The following CEP85L variants were observed in gnomAD, a reference collection of about 807,000 sequenced individuals.
The protein encoded by CEP85L is centrosomal protein of 85 kDa-like.
Under a neutral mutation model 100.3 loss-of-function variants are expected in CEP85L, and 60 were observed. The ratio of observed to expected loss-of-function variants is 0.60; its 90% confidence interval spans 0.49 to 0.74. CEP85L has a LOEUF of 0.74. Among genes scored for constraint, CEP85L ranks in the 30% least tolerant of loss-of-function variants. The pLI, the probability that CEP85L is intolerant of heterozygous loss-of-function variation, is 0.00. For synonymous variants in CEP85L, 319 were observed against 322.7 expected, an observed-to-expected ratio of 0.99 and a Z score of 0.12; for missense variants, 973 against 936.2, an observed-to-expected ratio of 1.04 and a Z score of -0.51.
rs1176868663 is a variant in CEP85L at position 118,610,141 on chromosome 6, T to TA, written c.232+22311dup. Among the ~76,000 whole-genome samples the TA allele has an allele frequency of 6.6e-5, 10 of 152,264 alleles. No individual in the cohort carries two copies. The South Asian group carries it at 1.7e-3, about 25-fold the overall frequency. ...GTTACCTCCAATTTAGAGATTTTTT[T>TA]AAAAAATGAGGCTCAAAGAAGTCAG... On this transcript the variant is annotated intron_variant, in intron 2 of 12. Coordinates refer to ENST00000368491, the MANE Select transcript of CEP85L (RefSeq NM_001042475.3).
chr6:118,600,370 T>TGTGTGTGTGG lies in CEP85L; in HGVS notation c.232+32082_232+32083insCCACACACAC, dbSNP rs58066356. Among the ~76,000 whole-genome samples, 652 of 86,378 alleles carry TGTGTGTGTGG rather than the reference T, an allele frequency of 7.5e-3. 139 individuals carry two copies. Among genetic ancestry groups the TGTGTGTGTGG allele is most frequent in the African/African-American group, 0.011 (267 of 23,946 alleles). 56.7% of individuals were successfully genotyped at this position (86,378 alleles called of 152,430 possible). ...GTGTGTGTGTGTGTGTGTGTGTGTG[T>TGTGTGTGTGG]AACGCCATGGAGCAATCTCAGCTCA... On this transcript the variant is annotated intron_variant, in intron 2 of 12. Coordinates refer to ENST00000368491, the MANE Select transcript of CEP85L (RefSeq NM_001042475.3).
In CEP85L at chr6:118,566,278, T is replaced by C. The variant is rs756375455; in HGVS notation, c.271A>G (p.Ser91Gly). The change falls in exon 3 of 13, where the codon AGT (serine) becomes GGT (glycine). Residue 91 changes from serine to glycine, a missense_variant. Physicochemically the swap from Ser to Gly is moderately conservative, Grantham distance 56 (BLOSUM62 0). This residue lies in a region of CEP85L where 890 missense variants were observed against 844.5 expected (regional missense o/e 1.05). Coordinates refer to ENST00000368491, the MANE Select transcript of CEP85L (RefSeq NM_001042475.3). ...GTAGGAAGAGTAATCAATGATTGAC[T>C]AGGCTTAAAAGATAATGTGCCACTT... The part of the protein sequence containing the change: ...TSSGTLSFKP[S>G]QSLITLPTAH... The C allele has an allele frequency of 4.3e-6, 7 of 1,613,872 alleles. 1 individual carries two copies. Among genetic ancestry groups the C allele is most frequent in the Middle Eastern group, 1.6e-4 (1 of 6,082 alleles).
chr6:118,702,719 A>G (rs1018146948), intron 1 of CEP85L, among the ~76,000 whole-genome samples: 2 of 151,876 alleles, frequency 1.3e-5, no homozygotes, highest in African/African-American at 4.8e-5. Context: ...GGAGTTGGCC[A>G]GGCACGGCGG....
intron 2 of CEP85L, among the ~76,000 whole-genome samples, chr6:118,575,658 T>C (rs1214757786): frequency 6.6e-6 from 1 of 152,168 alleles, no homozygotes; most frequent in Non-Finnish European, 1.5e-5. Flanking sequence ...GGAAATGTTG[T>C]CTAAACCTCT....
At chr6:118,542,919 A>AAAAAAC (rs1562245143) in intron 3 of CEP85L, among the ~76,000 whole-genome samples, 1 of 150,758 alleles carries the variant, frequency 6.6e-6, no homozygotes, top group African/African-American at 2.4e-5. Flanking sequence ...AAAAAAAAAA[A>AAAAAAC]AAAACAGGAT....
intron 2 of CEP85L, among the ~76,000 whole-genome samples, chr6:118,623,461 T>C (rs140413908): frequency 1.3e-3 from 192 of 152,298 alleles, no homozygotes; most frequent in African/African-American, 4.4e-3. Context: ...AGAGCAACAA[T>C]GGTCCAGCTT....
intron 3 of CEP85L, among the ~76,000 whole-genome samples, chr6:118,543,662 G>A (rs960952556): frequency 6.6e-6 from 1 of 151,094 alleles, no homozygotes; most frequent in Non-Finnish European, 1.5e-5. Flanking sequence ...AAGACAGTAA[G>A]GAAAATAATT....
intron 2 of CEP85L, among the ~76,000 whole-genome samples, chr6:118,577,744 C>A (rs879329907): frequency 5.3e-5 from 8 of 152,084 alleles, no homozygotes; most frequent in Non-Finnish European, 7.4e-5. Flanking sequence ...AGCCTTAACA[C>A]CCTAGCAAAT....
rs1396029682 is a variant in CEP85L, at chr6:118,491,765, T to C, written c.1358A>G (p.Lys453Arg). Reference protein sequence around the residue: ...EFEQKLASTEKEVLQLNEFLK... With the variant: ...EFEQKLASTEREVLQLNEFLK... Reference sequence around the variant, plus strand: ...AAACTCATTAAGCTGTAAAACTTCTTTCTCAGTAGATGCAAGCTTTTGCTC... The same window carrying C: ...AAACTCATTAAGCTGTAAAACTTCTCTCTCAGTAGATGCAAGCTTTTGCTC... The change falls in exon 6 of 13, where the codon AAA becomes AGA. Residue 453 changes from lysine to arginine, a missense_variant. Physicochemically the swap from Lys to Arg is conservative, Grantham distance 26. Around this residue, in one of 3 missense-constraint regions of CEP85L, gnomAD observed 890 missense variants for 844.5 expected, o/e 1.05. Transcript: ENST00000368491. The C allele has an allele frequency of 6.2e-7, 1 of 1,613,314 alleles. No individual in the cohort carries two copies. Among genetic ancestry groups the C allele is most frequent in the African/African-American group, 1.3e-5 (1 of 75,032 alleles).
intron 2 of CEP85L, among the ~76,000 whole-genome samples, chr6:118,632,039 G>A (rs1430471664): frequency 6.6e-6 from 1 of 152,124 alleles, no homozygotes; most frequent in African/African-American, 2.4e-5. Flanking sequence ...CCCCAGGCTG[G>A]AGTGCAGTGG....
chr6:118,588,148 A>C (rs908161233), intron 2 of CEP85L, among the ~76,000 whole-genome samples: 1 of 152,188 alleles, frequency 6.6e-6, no homozygotes, highest in Non-Finnish European at 1.5e-5. Flanking sequence ...CATCGGACAA[A>C]GGGATCTATC....
intron 3 of CEP85L, among the ~76,000 whole-genome samples, chr6:118,543,656 CAGTA>C (rs61159775): frequency 0.1 from 15,365 of 152,108 alleles, 916 homozygotes; most frequent in African/African-American, 0.15. Flanking sequence ...AAGAACAAGA[CAGTA>C]AGGAAAATAA....
intron 1 of CEP85L, among the ~76,000 whole-genome samples, chr6:118,687,956 C>G (rs1044608847): frequency 1.3e-5 from 2 of 152,154 alleles, no homozygotes; most frequent in African/African-American, 4.8e-5. Context: ...CAGTTCTCTT[C>G]CATGACCTGC....
chr6:118,629,284 C>T (rs1773993816), intron 2 of CEP85L, among the ~76,000 whole-genome samples: 1 of 152,090 alleles, frequency 6.6e-6, no homozygotes, highest in Admixed American at 6.6e-5. Flanking sequence ...AAGACATGTT[C>T]GATAAAGGCC....
chr6:118,664,378 G>A (rs1434911837), intron 1 of CEP85L: 2 of 152,366 alleles, frequency 1.3e-5, no homozygotes, highest in Non-Finnish European at 2.9e-5. Flanking sequence ...GAGAAAATGA[G>A]GGGTTCTAAG....
At chr6:118,569,312 A>G (rs1356715833) in intron 2 of CEP85L, among the ~76,000 whole-genome samples, 1 of 129,046 alleles carries the variant, frequency 7.7e-6, no homozygotes, top group African/African-American at 2.9e-5. Flanking sequence ...ACTGTACTCC[A>G]GCCTGGGTGA....
intron 5 of CEP85L, among the ~76,000 whole-genome samples, chr6:118,495,295 C>T (rs188214345): frequency 1.2e-4 from 18 of 152,184 alleles, no homozygotes; most frequent in African/African-American, 4.1e-4. Context: ...GGTGGAATGA[C>T]ACGGTTTGGT....
intron 10 of CEP85L, among the ~76,000 whole-genome samples, chr6:118,476,234 G>A (rs781394335): frequency 2.0e-5 from 3 of 150,052 alleles, no homozygotes; most frequent in Non-Finnish European, 3.0e-5. Context: ...AGATCTACGT[G>A]AACAGTAAAG....
In CEP85L at chr6:118,494,588, A is replaced by C. The variant is rs532098773; in HGVS notation, c.1258-2723T>G. On this transcript the variant is annotated intron_variant, in intron 5 of 12. Transcript: ENST00000368491. ...CCCTCCTGCCATCCTGTCCCGCCTA[A>C]GGGTGGGGAAAGAAAAAATCTTAGA... 1.3e-3 allele frequency among the ~76,000 whole-genome samples: 200 copies of C among 152,242 alleles called. 4 individuals are homozygous for C. The highest frequency in any genetic ancestry group is 4.0e-4 in the Non-Finnish European group (27 of 68,000).
Sources: gnomAD v4.1 joint callset for allele counts (sites outside exome capture counted in the v4.1 genomes callset) on GRCh38, gnomAD v4.1.1 for gene constraint, gnomAD v4.1.1 regional missense constraint, MANE v1.5 for transcripts, NCBI Gene and HGNC (gene_info 2026-07-23, HGNC 2026-07-21) for gene names.